Variants in GAB2 observed in about 807,000 individuals in gnomAD.
GAB2 encodes GRB2-associated-binding protein 2.
GAB2 carries 26 observed loss-of-function variants against 65.5 expected under a neutral mutation model. The ratio of observed to expected loss-of-function variants is 0.40; its 90% CI spans 0.29 to 0.55. The LOEUF (loss-of-function observed/expected upper bound fraction) is 0.55, where lower values mean the gene tolerates loss of function less well. GAB2 is among the 20% of genes least tolerant of loss of function. The pLI, the probability that GAB2 is intolerant of heterozygous loss-of-function variation, is 0.53. For synonymous variants in GAB2, 321 were observed against 329.6 expected (o/e 0.97, Z 0.28); for missense variants, 884 against 875.8 (o/e 1.01, Z -0.12).
chr11:78,325,310 T>C (rs1855803498), intron 1 of GAB2, among the ~76,000 whole-genome samples: 1 of 152,176 alleles, frequency 6.6e-6, no homozygotes, highest in Non-Finnish European at 1.5e-5. Flanking sequence ...CCATGCCATG[T>C]GCTTAACCAT....
chr11:78,296,252 G>A (rs1239015062), intron 1 of GAB2, among the ~76,000 whole-genome samples: 1 of 152,170 alleles, frequency 6.6e-6, no homozygotes, highest in Non-Finnish European at 1.5e-5. Flanking sequence ...CAGGGGGCTG[G>A]GGACCCCTGC....
intron 1 of GAB2, among the ~76,000 whole-genome samples, chr11:78,306,384 C>A (rs920053443): frequency 6.6e-6 from 1 of 152,162 alleles, no homozygotes; most frequent in African/African-American, 2.4e-5. Context: ...GCACACGCCG[C>A]CACGCCCGGC....
intron 3 of GAB2, among the ~76,000 whole-genome samples, chr11:78,248,832 A>T (rs972502197): frequency 3.9e-5 from 6 of 152,234 alleles, no homozygotes; most frequent in Non-Finnish European, 8.8e-5. Context: ...CATGCTTTTC[A>T]TTATACCACA....
intron 1 of GAB2, among the ~76,000 whole-genome samples, chr11:78,305,456 A>T (rs1855336053): frequency 6.6e-6 from 1 of 152,184 alleles, no homozygotes. Flanking sequence ...GGCAAGAGAG[A>T]GCTCCACAGA....
At chr11:78,356,293 A>G (rs1332538374) in intron 1 of GAB2, among the ~76,000 whole-genome samples, 2 of 152,188 alleles carry the variant, frequency 1.3e-5, no homozygotes, top group East Asian at 3.8e-4. Flanking sequence ...AAATGCTACT[A>G]CTGGATATTG....
In GAB2 at chr11:78,276,875, T is replaced by C. The variant is rs187683857; in HGVS notation, c.376+3726A>G. Among the ~76,000 whole-genome samples, 302 of 152,320 alleles carry C rather than the reference T, an allele frequency of 2.0e-3. 1 individual carries two copies. The highest frequency in any genetic ancestry group is 7.0e-3 in the African/African-American group (293 of 41,576). On this transcript the variant is annotated intron_variant, in intron 2 of 9. Coordinates refer to ENST00000361507, the MANE Select transcript of GAB2 (RefSeq NM_080491.3). ...TTCTGTCGCCCAGGCTGCAGTGCAG[T>C]GGCACAATCTCGGCTCACTACAAGC...
At chr11:78,386,149 T>C (rs1290867205) in intron 1 of GAB2, among the ~76,000 whole-genome samples, 2 of 152,188 alleles carry the variant, frequency 1.3e-5, no homozygotes, top group African/African-American at 4.8e-5. Context: ...ATTACTAAGT[T>C]AGGGACAGTT....
At chr11:78,326,250 C>T (rs1487422078) in intron 1 of GAB2, among the ~76,000 whole-genome samples, 2 of 152,144 alleles carry the variant, frequency 1.3e-5, no homozygotes, top group Admixed American at 6.5e-5. Context: ...AAGTGTCATA[C>T]CCTTATTTTT....
intron 1 of GAB2, among the ~76,000 whole-genome samples, chr11:78,381,051 A>G (rs970236221): frequency 3.9e-5 from 6 of 152,172 alleles, no homozygotes; most frequent in Non-Finnish European, 8.8e-5. Context: ...GCCATACTTA[A>G]GCTTTGTACT....
intron 1 of GAB2, among the ~76,000 whole-genome samples, chr11:78,393,686 T>A (rs1398401672): frequency 7.2e-5 from 11 of 152,214 alleles, no homozygotes; most frequent in Non-Finnish European, 1.6e-4. Context: ...TTATCTATTA[T>A]AAAATAGCGG....
At chr11:78,347,141 T>G (rs1856204641) in intron 1 of GAB2, among the ~76,000 whole-genome samples, 1 of 152,160 alleles carries the variant, frequency 6.6e-6, no homozygotes, top group Non-Finnish European at 1.5e-5. Flanking sequence ...AAGAGCTCAG[T>G]ATAAGACTCC....
At chr11:78,245,482 C>T (rs1865270025) in intron 3 of GAB2, among the ~76,000 whole-genome samples, 1 of 152,130 alleles carries the variant, frequency 6.6e-6, no homozygotes, top group South Asian at 2.1e-4. Context: ...CTATACCTAG[C>T]AAAATCTCTC....
chr11:78,357,413 T>C (rs528915465), intron 1 of GAB2, among the ~76,000 whole-genome samples: 1 of 152,066 alleles, frequency 6.6e-6, no homozygotes, highest in Non-Finnish European at 1.5e-5. Flanking sequence ...AATTGACAAA[T>C]GGGATCTAAC....
intron 1 of GAB2, among the ~76,000 whole-genome samples, chr11:78,411,574 G>C (rs1461582109): frequency 6.6e-6 from 1 of 152,124 alleles, no homozygotes; most frequent in African/African-American, 2.4e-5. Flanking sequence ...ACTGATTTTT[G>C]ACAAAGACGG....
chr11:78,396,114 A>G (rs1208713026), intron 1 of GAB2, among the ~76,000 whole-genome samples: 2 of 152,246 alleles, frequency 1.3e-5, no homozygotes, highest in African/African-American at 4.8e-5. Context: ...TAATTTTCAT[A>G]TACTAATGAC....
chr11:78,244,407 A>G (rs1213995746), intron 3 of GAB2, among the ~76,000 whole-genome samples: 1 of 152,036 alleles, frequency 6.6e-6, no homozygotes, highest in Non-Finnish European at 1.5e-5. Flanking sequence ...AAAGAAAAAA[A>G]AAAGACAAAT....
intron 2 of GAB2, among the ~76,000 whole-genome samples, chr11:78,261,142 G>C (rs991449564): frequency 6.6e-6 from 1 of 152,090 alleles, no homozygotes; most frequent in Non-Finnish European, 1.5e-5. Context: ...AATTAGCTGG[G>C]CATTGTGGCA....
intron 3 of GAB2, among the ~76,000 whole-genome samples, chr11:78,235,963 T>C (rs989377891): frequency 1.3e-5 from 2 of 152,220 alleles, no homozygotes; most frequent in African/African-American, 4.8e-5. Flanking sequence ...TCCATTTTCA[T>C]GCTGCTGATA....
intron 1 of GAB2, among the ~76,000 whole-genome samples, chr11:78,385,467 T>C (rs1299135363): frequency 2.0e-5 from 3 of 152,144 alleles, no homozygotes; most frequent in Non-Finnish European, 2.9e-5. Context: ...AATAAACCCA[T>C]ATAGATGCTC....
Sources: gnomAD v4.1 joint callset for allele counts (sites outside exome capture counted in the v4.1 genomes callset) on GRCh38, gnomAD v4.1.1 for gene constraint, MANE v1.5 for transcripts, NCBI Gene and HGNC (gene_info 2026-07-23, HGNC 2026-07-21) for gene names.